Variants in ACACB observed in about 807,000 individuals in gnomAD.
ACACB encodes the protein acetyl-CoA carboxylase 2.
Under a neutral mutation model 278.8 loss-of-function variants are expected in ACACB, and 209 were observed. The observed-to-expected ratio is 0.75, with a 90% CI of 0.67 to 0.84. ACACB has a LOEUF of 0.84. Ranked by LOEUF, ACACB falls within the 40% of genes least tolerant of loss-of-function variation. The probability of loss-of-function intolerance (pLI) is 0.00; values close to 1 mark genes in which losing one functional copy is unlikely to be tolerated. For missense variants in ACACB, 2,850 were observed against 3,269.0 expected, an observed-to-expected ratio of 0.87 and a Z score of 3.13; for synonymous variants, 1,174 against 1,285.6, an observed-to-expected ratio of 0.91 and a Z score of 1.86.
chr12:109,186,325 G>A (rs527815445), intron 12 of ACACB, among the ~76,000 whole-genome samples: 1 of 152,236 alleles, frequency 6.6e-6, no homozygotes, highest in Admixed American at 6.5e-5. Flanking sequence ...GCTGGACATC[G>A]TCACCCCACA....
In ACACB at chr12:109,216,710, A is replaced by G. The variant is rs768770798; in HGVS notation, c.3439+4A>G. 6.2e-7 allele frequency: 1 copy of G among 1,613,462 alleles called. No homozygotes were observed. Among genetic ancestry groups the G allele is most frequent in the South Asian group, 1.1e-5 (1 of 91,068 alleles). ...GTTGAGCACCATTTTCAGCAAGGCA[A>G]GAGATGCTGATGCCAACACCAGTGG... On this transcript the variant is annotated splice_donor_region_variant and intron_variant, in intron 23 of 52. Coordinates refer to ENST00000338432, the MANE Select transcript of ACACB (RefSeq NM_001093.4).
intron 24 of ACACB, among the ~76,000 whole-genome samples, chr12:109,217,284 AAAAT>A (rs895741805): frequency 3.3e-5 from 5 of 152,192 alleles, no homozygotes; most frequent in Non-Finnish European, 2.9e-5. Flanking sequence ...TCTGTCTCAA[AAAAT>A]AAATAAAAGA....
At chr12:109,188,768 G>A (rs2044762059) in intron 13 of ACACB, among the ~76,000 whole-genome samples, 1 of 152,138 alleles carries the variant, frequency 6.6e-6, no homozygotes, top group South Asian at 2.1e-4. Flanking sequence ...TTGGTCTTGA[G>A]CTTATAAGAG....
chr12:109,232,854 C>T (rs1172234606), intron 29 of ACACB, 48 bp downstream of exon 29: 2 of 1,605,268 alleles, frequency 1.2e-6, no homozygotes, highest in Admixed American at 1.7e-5. Flanking sequence ...GGGGGCTGGG[C>T]AGACTTCCCT....
rs140830853 is a variant in ACACB at position 109,246,319 on chromosome 12, C to G, written c.5442C>G (p.Ser1814=). ...PGEDLLYLRA[S]EMARAEGIPK... ...AGGACCTTCTGTACCTGCGGGCATC[C>G]GAGATGGCCCGGGCAGAGGGCATTC... Residue 1814 remains serine, a synonymous_variant, in exon 39 of 53, where the codon TCC becomes TCG. Transcript: ENST00000338432. 3.1e-6 allele frequency: 5 copies of G among 1,612,668 alleles called. No individual in the cohort carries two copies. Among genetic ancestry groups the G allele is most frequent in the East Asian group, 4.5e-5 (2 of 44,846 alleles).
chr12:109,176,323 A>G, intron 9 of ACACB, 60 bp downstream of exon 9: 1 of 1,400,802 alleles, frequency 7.1e-7, no homozygotes, highest in Non-Finnish European at 1.0e-6. Flanking sequence ...GTGGGCTGCC[A>G]GATTATTTCT....
At chr12:109,152,633 T>C (rs2043405168) in intron 2 of ACACB, among the ~76,000 whole-genome samples, 1 of 102,116 alleles carries the variant, frequency 9.8e-6, no homozygotes, top group South Asian at 3.0e-4. Context: ...CTTTTCTTTC[T>C]TTCTTTCTTT....
intron 26 of ACACB, among the ~76,000 whole-genome samples, chr12:109,223,503 A>T (rs1310002932): frequency 4.6e-5 from 7 of 152,136 alleles, no homozygotes; most frequent in Non-Finnish European, 1.0e-4. Context: ...CATGCCTGTA[A>T]TCCCAGCACT....
intron 28 of ACACB, among the ~76,000 whole-genome samples, chr12:109,228,590 C>T (rs1264364652): frequency 1.4e-5 from 2 of 146,062 alleles, no homozygotes; most frequent in Non-Finnish European, 3.0e-5. Context: ...ACCTGGGAGG[C>T]AGAGGTTGCA....
At chr12:109,178,681 T>C (rs2044355721) in intron 9 of ACACB, among the ~76,000 whole-genome samples, 1 of 152,122 alleles carries the variant, frequency 6.6e-6, no homozygotes, top group African/African-American at 2.4e-5. Context: ...TTGGAGGAAG[T>C]ATGAAAATAT....
chr12:109,250,180 G>C (rs2047056524), intron 41 of ACACB, 76 bp downstream of exon 41: 2 of 1,430,686 alleles, frequency 1.4e-6, no homozygotes, highest in African/African-American at 1.5e-5. Flanking sequence ...AAATTAGAGA[G>C]AATCAATAAT....
Position 109,172,320 on chromosome 12 carries a change from C to T in ACACB, c.1081C>T (p.Pro361Ser), listed in dbSNP as rs200334384. The change falls in exon 6 of 53, where the codon CCG becomes TCG. Residue 361 changes from proline (P) to serine (S), a missense_variant. By Grantham distance (74) the Pro-to-Ser change is moderately conservative (BLOSUM62 -1). This residue lies in a region of ACACB where 2,265 missense variants were observed against 2,561.3 expected (regional missense o/e 0.88). Transcript: ENST00000338432. Reference protein sequence around the residue: ...WGHASENPKLPELLCKNGVAF... With the variant: ...WGHASENPKLSELLCKNGVAF... ...CCATGCTTCAGAAAACCCTAAACTT[C>T]CGGAGCTGCTGTGCAAGAATGGAGT... 2 of 1,614,084 alleles carry T rather than the reference C, an allele frequency of 1.2e-6. No homozygotes were observed. The highest frequency in any genetic ancestry group is 1.7e-5 in the Admixed American group (1 of 60,010).
At position 109,246,314 on chromosome 12, in the gene ACACB, G is replaced by T; in HGVS notation, c.5437G>T (p.Ala1813Ser). 6.2e-6 allele frequency: 10 copies of T among 1,612,684 alleles called. No individual in the cohort carries two copies. Among genetic ancestry groups the T allele is most frequent in the Admixed American group, 1.7e-5 (1 of 59,748 alleles). ...TGGAGAGGACCTTCTGTACCTGCGGGCATCCGAGATGGCCCGGGCAGAGGG... is the reference window on the plus strand; with the variant it reads ...TGGAGAGGACCTTCTGTACCTGCGGTCATCCGAGATGGCCCGGGCAGAGGG... ...GPGEDLLYLR[A>S]SEMARAEGIP... is the part of the protein sequence containing the mutation. The change falls in exon 39 of 53, where the codon GCA becomes TCA. Residue 1813 changes from alanine to serine, a missense_variant. Physicochemically the swap from Ala to Ser is moderately conservative, Grantham distance 99. This residue lies in a region of ACACB where 2,265 missense variants were observed against 2,561.3 expected (regional missense o/e 0.88). Coordinates refer to ENST00000338432, the MANE Select transcript of ACACB (RefSeq NM_001093.4).
At chr12:109,198,206 C>T (rs540003755) in intron 17 of ACACB, among the ~76,000 whole-genome samples, 2 of 152,252 alleles carry the variant, frequency 1.3e-5, no homozygotes, top group South Asian at 4.1e-4. Context: ...CCTGTTATCT[C>T]TTTTTTAACC....
chr12:109,214,741 T>A (rs541693202), intron 22 of ACACB, among the ~76,000 whole-genome samples: 1 of 152,278 alleles, frequency 6.6e-6, no homozygotes, highest in South Asian at 2.1e-4. Context: ...CAGTGGCGCA[T>A]CTCCTGAGAA....
At chr12:109,162,849 G>A (rs1593438222) in intron 2 of ACACB, among the ~76,000 whole-genome samples, 1 of 152,304 alleles carries the variant, frequency 6.6e-6, no homozygotes, top group East Asian at 1.9e-4. Flanking sequence ...GTCCACCACA[G>A]TCTCAGAAAT....
chr12:109,153,481 A>G (rs2043433441), intron 2 of ACACB, among the ~76,000 whole-genome samples: 1 of 152,178 alleles, frequency 6.6e-6, no homozygotes, highest in South Asian at 2.1e-4. Flanking sequence ...AATTTAATTA[A>G]TGTGTACACT....
In ACACB at chr12:109,210,383, A is replaced by ATC. The variant is rs542820718; in HGVS notation, c.3249+1031_3249+1032insCT. Reference sequence around the variant, plus strand: ...TATATATGTATATACACGCACACACATGTGTATATATGTATATACACGCAC... The same window carrying ATC: ...TATATATGTATATACACGCACACACATCTGTGTATATATGTATATACACGCAC... On this transcript the variant is annotated intron_variant, in intron 21 of 52. Transcript: ENST00000338432. Among the ~76,000 whole-genome samples the ATC allele has an allele frequency of 2.4e-5, 3 of 122,592 alleles. No individual in the cohort carries two copies. The East Asian group carries it at 6.9e-4, about 28-fold the overall frequency. The allele number at this position is 122,592 out of a possible 152,430, so 80.4% of individuals were successfully genotyped here. A position where few individuals can be genotyped will look rare whatever the true frequency, so the allele number is the denominator to read the frequency against.
chr12:109,139,788 C>G lies in ACACB; in HGVS notation c.383C>G (p.Thr128Arg). The G allele has an allele frequency of 6.2e-7, 1 of 1,614,254 alleles. No individual in the cohort carries two copies. The highest frequency in any genetic ancestry group is 8.5e-7 in the Non-Finnish European group (1 of 1,180,052). Reference protein sequence around the residue: ...NGTGTQGLEATDTNGLSSSAR... With the variant: ...NGTGTQGLEARDTNGLSSSAR... Reference sequence around the variant, plus strand: ...ACTGGGACACAAGGTCTGGAGGCCACAGATACCAATGGCCTGTCCTCCTCA... The same window carrying G: ...ACTGGGACACAAGGTCTGGAGGCCAGAGATACCAATGGCCTGTCCTCCTCA... Residue 128 changes from threonine to arginine, a missense_variant, in exon 2 of 53, where the codon ACA becomes AGA. This residue lies in a region of ACACB where 2,265 missense variants were observed against 2,561.3 expected (regional missense o/e 0.88). Coordinates refer to ENST00000338432, the MANE Select transcript of ACACB (RefSeq NM_001093.4).
Sources: allele counts gnomAD v4.1 joint callset (sites outside exome capture counted in the v4.1 genomes callset), GRCh38; gene constraint gnomAD v4.1.1; regional missense constraint gnomAD v4.1.1; transcripts MANE v1.5; gene names NCBI Gene and HGNC (gene_info 2026-07-23, HGNC 2026-07-21).